Variants in CDC5L observed in about 807,000 individuals in gnomAD.
The protein encoded by CDC5L is cell division cycle 5 like, also known as cell division cycle 5-like protein.
Under a neutral mutation model 104.1 loss-of-function variants are expected in CDC5L, and 18 were observed. That is an observed-to-expected ratio of 0.17 (90% CI 0.12 to 0.26). The LOEUF (loss-of-function observed/expected upper bound fraction) is 0.26. CDC5L is among the 10% of genes least tolerant of loss of function. The pLI is 1.00. For synonymous variants in CDC5L, 331 were observed against 322.7 expected, an observed-to-expected ratio of 1.03 and a Z score of -0.28; for missense variants, 673 against 956.9, an observed-to-expected ratio of 0.70 and a Z score of 3.91.
At chr6:44,439,320 G>A (rs1327977494) in intron 14 of CDC5L, among the ~76,000 whole-genome samples, 1 of 152,152 alleles carries the variant, frequency 6.6e-6, no homozygotes, top group African/African-American at 2.4e-5. Flanking sequence ...GAACATTCGT[G>A]TACAGGTTTT....
intron 14 of CDC5L, among the ~76,000 whole-genome samples, chr6:44,433,185 A>G (rs192309162): frequency 2.0e-5 from 3 of 152,312 alleles, no homozygotes; most frequent in Non-Finnish European, 4.4e-5. Context: ...CTGCCTATCT[A>G]CCACGTACTG....
intron 15 of CDC5L, among the ~76,000 whole-genome samples, 155 bp from the exon 16 acceptor site, chr6:44,446,452 T>C (rs1793457794): frequency 1.3e-5 from 2 of 152,252 alleles, no homozygotes; most frequent in African/African-American, 2.4e-5. Flanking sequence ...ACTGGTTTTA[T>C]AGCAAAAGTA....
At chr6:44,392,886 A>G in intron 3 of CDC5L, 58 bp downstream of exon 3, 2 of 1,464,836 alleles carry the variant, frequency 1.4e-6, no homozygotes, top group Non-Finnish European at 1.9e-6. Context: ...AAGAGGCTGA[A>G]TAAACTTTGA....
At chr6:44,426,857 T>C (rs1581656789) in intron 13 of CDC5L, 133 bp downstream of exon 13, 4 of 835,810 alleles carry the variant, frequency 4.8e-6, no homozygotes, top group Middle Eastern at 2.8e-4. Flanking sequence ...AGGAGATGCA[T>C]GTTTAGATTA....
At chr6:44,388,972 G>T (rs1790478539) in intron 1 of CDC5L, among the ~76,000 whole-genome samples, 2 of 151,976 alleles carry the variant, frequency 1.3e-5, no homozygotes, top group East Asian at 1.9e-4. Context: ...GAGTTAATAC[G>T]TTTGGAATAT....
intron 5 of CDC5L, among the ~76,000 whole-genome samples, chr6:44,397,409 A>G (rs537755791): frequency 5.4e-4 from 83 of 152,326 alleles, no homozygotes; most frequent in African/African-American, 1.8e-3. Context: ...TCCAGTTCCT[A>G]TTTCGCTAGT....
intron 5 of CDC5L, among the ~76,000 whole-genome samples, chr6:44,398,509 C>T (rs1233475176): frequency 6.6e-6 from 1 of 152,208 alleles, no homozygotes; most frequent in East Asian, 1.9e-4. Context: ...TATATTCTAA[C>T]AGGCTGGAAT....
chr6:44,411,645 T>A (rs1278980538), intron 8 of CDC5L, among the ~76,000 whole-genome samples: 2 of 128,732 alleles, frequency 1.6e-5, no homozygotes, highest in African/African-American at 5.4e-5. Flanking sequence ...AGAGTGTGTG[T>A]GTGTGTGTGA....
chr6:44,440,901 T>G (rs890017114), intron 14 of CDC5L, among the ~76,000 whole-genome samples: 3 of 152,012 alleles, frequency 2.0e-5, no homozygotes, highest in Non-Finnish European at 1.5e-5. Context: ...AGAGATGGCG[T>G]TTCACCATCT....
chr6:44,427,958 T>C (rs1460457159), intron 13 of CDC5L, among the ~76,000 whole-genome samples: 1 of 152,206 alleles, frequency 6.6e-6, no homozygotes, highest in East Asian at 1.9e-4. Context: ...ATTCTAAGTA[T>C]TGGTTTGTAA....
At chr6:44,406,028 A>G (rs932126689) in intron 6 of CDC5L, among the ~76,000 whole-genome samples, 1 of 151,588 alleles carries the variant, frequency 6.6e-6, no homozygotes, top group Non-Finnish European at 1.5e-5. Flanking sequence ...CAGCCTCCCG[A>G]GTAGCTGGGA....
chr6:44,430,579 T>C (rs74406038), intron 14 of CDC5L, among the ~76,000 whole-genome samples: 1 of 150,150 alleles, frequency 6.7e-6, no homozygotes, highest in Non-Finnish European at 1.5e-5. Context: ...GTGCATTCTT[T>C]TTTTTTTTTT....
intron 11 of CDC5L, among the ~76,000 whole-genome samples, chr6:44,424,985 G>T (rs1008999165): frequency 6.6e-6 from 1 of 152,126 alleles, no homozygotes; most frequent in Admixed American, 6.6e-5. Flanking sequence ...AGGCTGAGGT[G>T]GGAGGATTCT....
Position 44,411,637 on chromosome 6 carries a change from A to AGAGAGAGAGAGAGAGTGTGTGTGTGT in CDC5L, c.1092+3006_1092+3007insAGAGAGAGAGAGAGTGTGTGTGTGTG. On this transcript the variant is annotated intron_variant, in intron 8 of 15. Coordinates refer to ENST00000371477, the MANE Select transcript of CDC5L (RefSeq NM_001253.4). ...GAGAGAGAGAGAGAGAGAGAGAGAG[A>AGAGAGAGAGAGAGAGTGTGTGTGTGT]GTGTGTGTGTGTGTGTGACTAAAAA... Among the ~76,000 whole-genome samples the AGAGAGAGAGAGAGAGTGTGTGTGTGT allele has an allele frequency of 4.8e-5, 6 of 123,740 alleles. No homozygotes were observed. In the East Asian group the frequency reaches 2.7e-3, roughly 55 times the overall value. 81.2% of individuals were successfully genotyped at this position (123,740 alleles called of 152,430 possible). A position where few individuals can be genotyped will look rare whatever the true frequency, so the allele number is the denominator to read the frequency against.
intron 10 of CDC5L, among the ~76,000 whole-genome samples, chr6:44,424,050 T>C (rs2153381412): frequency 6.6e-6 from 1 of 152,280 alleles, no homozygotes; most frequent in Non-Finnish European, 1.5e-5. Context: ...ATAAGACTTG[T>C]CTTAGCTCTG....
intron 2 of CDC5L, among the ~76,000 whole-genome samples, chr6:44,391,005 GTTATATA>G (rs1257007776): frequency 1.0e-5 from 1 of 99,648 alleles, no homozygotes; most frequent in Admixed American, 1.1e-4. Flanking sequence ...TATTTAATAT[GTTATATA>G]TTATATATTA....
intron 10 of CDC5L, 115 bp from the exon 11 acceptor site, chr6:44,424,304 T>C (rs1409674660): frequency 1.2e-6 from 1 of 854,666 alleles, no homozygotes; most frequent in African/African-American, 1.7e-5. Flanking sequence ...TTTTAAAATG[T>C]ACAGTTATTT....
chr6:44,446,547 C>T (rs1012591685), intron 15 of CDC5L, 60 bp from the exon 16 acceptor site: 5 of 694,862 alleles, frequency 7.2e-6, no homozygotes, highest in Non-Finnish European at 9.4e-6. Context: ...TAATAAAGTA[C>T]TGTAGATTTT....
At chr6:44,427,743 A>C (rs1792492591) in intron 13 of CDC5L, among the ~76,000 whole-genome samples, 1 of 152,168 alleles carries the variant, frequency 6.6e-6, no homozygotes, top group African/African-American at 2.4e-5. Flanking sequence ...GAGCACATTT[A>C]ATCATTGAAC....
Sources: allele counts gnomAD v4.1 joint callset (sites outside exome capture counted in the v4.1 genomes callset), GRCh38; gene constraint gnomAD v4.1.1; transcripts MANE v1.5; gene names NCBI Gene and HGNC (gene_info 2026-07-23, HGNC 2026-07-21).